Variants in ERBB4 observed in about 807,000 individuals in gnomAD.
The protein encoded by ERBB4 is receptor tyrosine-protein kinase erbB-4.
ERBB4 carries 42 observed loss-of-function variants against 158.0 expected under a neutral mutation model. The observed-to-expected ratio is 0.27, with a 90% CI of 0.21 to 0.34. The LOEUF is 0.34. Ranked by LOEUF, ERBB4 falls within the 10% of genes least tolerant of loss-of-function variation. The probability of loss-of-function intolerance (pLI) is 1.00; values close to 1 mark genes in which losing one functional copy is unlikely to be tolerated. For synonymous variants in ERBB4, 583 were observed against 558.7 expected, an observed-to-expected ratio of 1.04 and a Z score of -0.61; for missense variants, 1,333 against 1,624.1, an observed-to-expected ratio of 0.82 and a Z score of 3.08.
At chr2:211,641,671 G>A (rs528602808) in intron 16 of ERBB4, among the ~76,000 whole-genome samples, 1 of 152,210 alleles carries the variant, frequency 6.6e-6, no homozygotes, top group African/African-American at 2.4e-5. Context: ...TAATTTGGTA[G>A]TTTTTATAGA....
intron 1 of ERBB4, among the ~76,000 whole-genome samples, chr2:212,135,270 C>T (rs892692040): frequency 1.3e-5 from 2 of 152,044 alleles, no homozygotes; most frequent in Admixed American, 6.5e-5. Context: ...TAACTGAAAA[C>T]TAAAAAAACT....
At chr2:211,454,179 C>T (rs2064321925) in intron 20 of ERBB4, among the ~76,000 whole-genome samples, 1 of 152,110 alleles carries the variant, frequency 6.6e-6, no homozygotes, top group African/African-American at 2.4e-5. Flanking sequence ...AAGTCAAGCC[C>T]TTTTCTTTTG....
chr2:211,695,894 G>T (rs2073000302), intron 12 of ERBB4, among the ~76,000 whole-genome samples: 1 of 152,100 alleles, frequency 6.6e-6, no homozygotes, highest in South Asian at 2.1e-4. Context: ...AAAATGTTTA[G>T]TAGTAACAAT....
chr2:212,087,444 T>A (rs950962880), intron 2 of ERBB4, among the ~76,000 whole-genome samples: 18 of 152,082 alleles, frequency 1.2e-4, no homozygotes, highest in African/African-American at 4.1e-4. Context: ...GATTCTGTCA[T>A]CAGTCTTTGT....
At chr2:212,204,712 A>AC (rs950981183) in intron 1 of ERBB4, among the ~76,000 whole-genome samples, 6 of 151,688 alleles carry the variant, frequency 4.0e-5, no homozygotes, top group Non-Finnish European at 5.9e-5. Context: ...AAAAAAACAA[A>AC]AAAAAAAACA....
At chr2:211,705,617 T>G (rs1490373571) in intron 9 of ERBB4, among the ~76,000 whole-genome samples, 1 of 152,196 alleles carries the variant, frequency 6.6e-6, no homozygotes, top group African/African-American at 2.4e-5. Flanking sequence ...CTATTCCAGA[T>G]CTATAAGATT....
chr2:211,513,377 C>CAACAACAAAAAA (rs1553554075), intron 20 of ERBB4, among the ~76,000 whole-genome samples: 8 of 55,744 alleles, frequency 1.4e-4, no homozygotes, highest in African/African-American at 3.5e-4. Flanking sequence ...AAAAAAAAAA[C>CAACAACAAAAAA]AAAAAAAAAA....
chr2:211,692,055 AGATAATAGC>A (rs1450432025), intron 12 of ERBB4, among the ~76,000 whole-genome samples: 1 of 152,186 alleles, frequency 6.6e-6, no homozygotes, highest in Non-Finnish European at 1.5e-5. Flanking sequence ...GGTGACAAGG[AGATAATAGC>A]GATAATAGAG....
At chr2:211,575,896 T>C (rs1052035688) in intron 19 of ERBB4, among the ~76,000 whole-genome samples, 1 of 152,192 alleles carries the variant, frequency 6.6e-6, no homozygotes, top group Non-Finnish European at 1.5e-5. Flanking sequence ...TTGTCTGTCA[T>C]TCACATATTT....
At chr2:211,674,564 T>C (rs1043674293) in intron 13 of ERBB4, among the ~76,000 whole-genome samples, 2 of 152,148 alleles carry the variant, frequency 1.3e-5, no homozygotes, top group Non-Finnish European at 2.9e-5. Flanking sequence ...CAGTTTGTTA[T>C]GGATCAAACC....
chr2:212,214,465 AT>A (rs2083034888), intron 1 of ERBB4, among the ~76,000 whole-genome samples: 1 of 151,850 alleles, frequency 6.6e-6, no homozygotes, highest in Non-Finnish European at 1.5e-5. Context: ...CATGGACATC[AT>A]TAGGAGATTG....
intron 3 of ERBB4, among the ~76,000 whole-genome samples, chr2:211,906,985 T>G (rs2079410928): frequency 6.6e-6 from 1 of 151,674 alleles, no homozygotes; most frequent in Non-Finnish European, 1.5e-5. Context: ...CGCTTGATTG[T>G]GCCATTAAAA....
At chr2:211,775,652 G>A (rs2075854337) in intron 4 of ERBB4, among the ~76,000 whole-genome samples, 1 of 152,162 alleles carries the variant, frequency 6.6e-6, no homozygotes, top group African/African-American at 2.4e-5. Context: ...CTATAGATGT[G>A]TAGACAATTA....
chr2:211,785,084 A>G (rs1006306046), intron 4 of ERBB4, among the ~76,000 whole-genome samples: 3 of 147,936 alleles, frequency 2.0e-5, no homozygotes, highest in Non-Finnish European at 4.5e-5. Context: ...GTACCTTTTG[A>G]TGCACAGCCT....
chr2:211,904,998 T>C (rs2079338014), intron 3 of ERBB4, among the ~76,000 whole-genome samples: 1 of 152,194 alleles, frequency 6.6e-6, no homozygotes, highest in African/African-American at 2.4e-5. Context: ...CATTCAACTT[T>C]AATATATGTT....
At chr2:212,461,097 AG>A (rs1688550338) in intron 1 of ERBB4, among the ~76,000 whole-genome samples, 1 of 152,192 alleles carries the variant, frequency 6.6e-6, no homozygotes. Context: ...ACCATCTGCT[AG>A]GGCAGTATGG....
intron 12 of ERBB4, among the ~76,000 whole-genome samples, chr2:211,681,105 A>G (rs908630044): frequency 6.6e-5 from 10 of 152,184 alleles, no homozygotes; most frequent in Non-Finnish European, 1.2e-4. Context: ...ATGAAATTAT[A>G]CAGTATATTT....
intron 25 of ERBB4, among the ~76,000 whole-genome samples, chr2:211,390,631 G>A (rs917896701): frequency 2.6e-5 from 4 of 152,112 alleles, no homozygotes; most frequent in Non-Finnish European, 5.9e-5. Context: ...CATTGTAAAG[G>A]CAACGGATTA....
intron 3 of ERBB4, among the ~76,000 whole-genome samples, chr2:211,853,416 G>C (rs1559576679): frequency 6.6e-6 from 1 of 151,924 alleles, no homozygotes; most frequent in Non-Finnish European, 1.5e-5. Flanking sequence ...TGGTCTACTT[G>C]TATGACTTGC....
Sources: gnomAD v4.1 joint callset for allele counts (sites outside exome capture counted in the v4.1 genomes callset) on GRCh38, gnomAD v4.1.1 for gene constraint, MANE v1.5 for transcripts, NCBI Gene and HGNC (gene_info 2026-07-23, HGNC 2026-07-21) for gene names.